ADAMTS6: variants seen among roughly 807,000 people sequenced by gnomAD.
ADAMTS6 encodes the protein ADAM metallopeptidase with thrombospondin type 1 motif 6.
ADAMTS6 carries 23 observed loss-of-function variants against 144.3 expected under a neutral mutation model. That is an observed-to-expected ratio of 0.16 (90% CI 0.11 to 0.23). ADAMTS6 has a LOEUF of 0.23. Ranked by LOEUF, ADAMTS6 falls within the 10% of genes least tolerant of loss-of-function variation. The pLI, the probability that ADAMTS6 is intolerant of heterozygous loss-of-function variation, is 1.00. For synonymous variants in ADAMTS6, 444 were observed against 457.5 expected (o/e 0.97, Z 0.38); for missense variants, 999 against 1,379.6 (o/e 0.72, Z 4.37).
At chr5:65,296,991 C>T in intron 10 of ADAMTS6, 2 of 215,844 alleles carry the variant, frequency 9.3e-6, no homozygotes, top group South Asian at 6.0e-5. Flanking sequence ...TCTTCCACTG[C>T]CTGGTAAATT....
rs531274644 is a variant in ADAMTS6 at position 65,373,268 on chromosome 5, T to G, written c.1074-39183A>C. Among the ~76,000 whole-genome samples the G allele has an allele frequency of 4.6e-4, 69 of 150,512 alleles. 1 individual carries two copies. The highest frequency in any genetic ancestry group is 3.1e-3 in the Admixed American group (47 of 15,108). On this transcript the variant is annotated intron_variant, in intron 7 of 24. Coordinates refer to ENST00000381055, the MANE Select transcript of ADAMTS6 (RefSeq NM_197941.4). ...GAAATAACTAAAATCAGAGCAGAAC[T>G]GAAGGAAATAGAGACACAAAAAGCC...
At chr5:65,185,824 T>C (rs555708087) in intron 22 of ADAMTS6, among the ~76,000 whole-genome samples, 1 of 152,344 alleles carries the variant, frequency 6.6e-6, no homozygotes, top group Non-Finnish European at 1.5e-5. Context: ...TCAGTTAATA[T>C]ACACAAGCTA....
chr5:65,303,181 G>T (rs1256013664), intron 9 of ADAMTS6, among the ~76,000 whole-genome samples: 1 of 151,980 alleles, frequency 6.6e-6, no homozygotes, highest in Non-Finnish European at 1.5e-5. Flanking sequence ...GCTGATCAAT[G>T]GTTAAAACTA....
chr5:65,248,465 C>T (rs1759834829), intron 14 of ADAMTS6, among the ~76,000 whole-genome samples: 1 of 151,882 alleles, frequency 6.6e-6, no homozygotes. Context: ...ATTAAAATGC[C>T]ATCTACCTAC....
At chr5:65,257,302 C>T (rs1054597287) in intron 14 of ADAMTS6, among the ~76,000 whole-genome samples, 3 of 152,156 alleles carry the variant, frequency 2.0e-5, no homozygotes, top group Non-Finnish European at 1.5e-5. Flanking sequence ...CCCATGGCCA[C>T]ACTCCAGATT....
rs570676423 is a variant in ADAMTS6, at chr5:65,307,662, G to T, written c.1224-7531C>A. On this transcript the variant is annotated intron_variant, in intron 9 of 24. Coordinates refer to ENST00000381055, the MANE Select transcript of ADAMTS6 (RefSeq NM_197941.4). ...GACCAATTTCATTCATTGTTAGAGA[G>T]AATTTAAAGGGATGGAGGTCATTAG... is the stretch of plus-strand genomic sequence containing the variant. Among the ~76,000 whole-genome samples the T allele has an allele frequency of 1.2e-4, 18 of 152,280 alleles. No homozygotes were observed. In the South Asian group the frequency reaches 3.5e-3, roughly 30 times the overall value.
At chr5:65,423,009 C>T (rs1385575511) in intron 7 of ADAMTS6, among the ~76,000 whole-genome samples, 2 of 152,116 alleles carry the variant, frequency 1.3e-5, no homozygotes, top group East Asian at 3.9e-4. Context: ...AAAATAATGT[C>T]TTTTGCAGCA....
chr5:65,367,950 T>C (rs7717781), intron 7 of ADAMTS6, among the ~76,000 whole-genome samples: 13,581 of 152,062 alleles, frequency 0.089, 1,608 homozygotes, highest in African/African-American at 0.27. Flanking sequence ...GATTGTACCA[T>C]GGCATATTTT....
chr5:65,373,987 A>C (rs1027681955), intron 7 of ADAMTS6, among the ~76,000 whole-genome samples: 16 of 152,226 alleles, frequency 1.1e-4, no homozygotes, highest in Admixed American at 5.9e-4. Flanking sequence ...CCAGCATATA[A>C]ACAGAACCAA....
At chr5:65,304,916 A>C (rs1032269146) in intron 9 of ADAMTS6, among the ~76,000 whole-genome samples, 5 of 151,950 alleles carry the variant, frequency 3.3e-5, no homozygotes, top group Admixed American at 3.3e-4. Context: ...GATTAGGGAG[A>C]AAAAAAATGC....
At position 65,441,730 on chromosome 5, in the gene ADAMTS6, A is replaced by C. The variant is rs73093214; in HGVS notation, c.1073+9745T>G. On this transcript the variant is annotated intron_variant, in intron 7 of 24. Coordinates refer to ENST00000381055, the MANE Select transcript of ADAMTS6 (RefSeq NM_197941.4). ...GCATTCAAGTCATGCAAACTATATT[A>C]TCTGACCACAGTGGAACTAAATTAG... Among the ~76,000 whole-genome samples, 517 of 152,090 alleles carry C rather than the reference A, an allele frequency of 3.4e-3. 4 individuals are homozygous for C. Among genetic ancestry groups the C allele is most frequent in the African/African-American group, 0.012 (496 of 41,492 alleles).
intron 7 of ADAMTS6, among the ~76,000 whole-genome samples, chr5:65,410,585 TATTATC>T (rs1258985323): frequency 6.6e-6 from 1 of 152,144 alleles, no homozygotes; most frequent in Non-Finnish European, 1.5e-5. Context: ...AATATATTAA[TATTATC>T]ATTAACTATA....
At chr5:65,171,799 C>T (rs11743343) in intron 23 of ADAMTS6, among the ~76,000 whole-genome samples, 25,590 of 151,982 alleles carry the variant, frequency 0.17, 2,305 homozygotes, top group African/African-American at 0.23. Context: ...CTCAAATGAG[C>T]GTGTCTCCCT....
intron 24 of ADAMTS6, among the ~76,000 whole-genome samples, chr5:65,162,761 G>A (rs1181362418): frequency 2.6e-5 from 4 of 151,978 alleles, no homozygotes; most frequent in Non-Finnish European, 5.9e-5. Flanking sequence ...TAATATGATA[G>A]TTATATCCTC....
At chr5:65,445,112 G>A (rs535801772) in intron 7 of ADAMTS6, among the ~76,000 whole-genome samples, 1 of 152,142 alleles carries the variant, frequency 6.6e-6, no homozygotes, top group African/African-American at 2.4e-5. Context: ...GTTTAATGAC[G>A]CCTACTACAA....
intron 22 of ADAMTS6, among the ~76,000 whole-genome samples, chr5:65,174,927 G>C (rs1033526239): frequency 1.3e-5 from 2 of 152,234 alleles, no homozygotes; most frequent in East Asian, 3.9e-4. Flanking sequence ...GTGTTACTAT[G>C]ACACCAGGAA....
chr5:65,152,359 T>C (rs1752184273), intron 24 of ADAMTS6, among the ~76,000 whole-genome samples: 1 of 152,172 alleles, frequency 6.6e-6, no homozygotes, highest in Non-Finnish European at 1.5e-5. Flanking sequence ...AAATCAAACA[T>C]GAGTTGCATT....
At chr5:65,329,673 T>C (rs1164335903) in intron 8 of ADAMTS6, among the ~76,000 whole-genome samples, 190 bp from the exon 9 acceptor site, 2 of 152,160 alleles carry the variant, frequency 1.3e-5, no homozygotes, top group African/African-American at 4.8e-5. Flanking sequence ...GACATTAATA[T>C]TTTTTGAACT....
intron 15 of ADAMTS6, among the ~76,000 whole-genome samples, chr5:65,228,008 T>A (rs1034687136): frequency 6.6e-6 from 1 of 152,164 alleles, no homozygotes; most frequent in Non-Finnish European, 1.5e-5. Context: ...TAGCGTTAGG[T>A]TAATGATTAA....
Sources: allele counts gnomAD v4.1 joint callset (sites outside exome capture counted in the v4.1 genomes callset), GRCh38; gene constraint gnomAD v4.1.1; transcripts MANE v1.5; gene names NCBI Gene and HGNC (gene_info 2026-07-23, HGNC 2026-07-21).